The following HIVEP3 variants were observed in gnomAD, a reference collection of about 807,000 sequenced individuals.
HIVEP3 encodes HIVEP zinc finger 3, also known as transcription factor HIVEP3.
Under a neutral mutation model 152.8 loss-of-function variants are expected in HIVEP3, and 49 were observed. That is an observed-to-expected ratio of 0.32 (90% CI 0.26 to 0.41). The LOEUF (loss-of-function observed/expected upper bound fraction) is 0.41, where lower values mean the gene tolerates loss of function less well. Among genes scored for constraint, HIVEP3 ranks in the 10% least tolerant of loss-of-function variants. HIVEP3 has a pLI of 1.00. For synonymous variants in HIVEP3, 1,269 were observed against 1,289.0 expected, an observed-to-expected ratio of 0.98 and a Z score of 0.33; for missense variants, 2,790 against 3,103.3, an observed-to-expected ratio of 0.90 and a Z score of 2.40.
At chr1:41,949,984 G>A (rs1279245349) in intron 1 of HIVEP3, among the ~76,000 whole-genome samples, 2 of 152,158 alleles carry the variant, frequency 1.3e-5, no homozygotes, top group Non-Finnish European at 2.9e-5. Flanking sequence ...TTGAGAGAGG[G>A]TACTGAGAGA....
intron 2 of HIVEP3, among the ~76,000 whole-genome samples, chr1:41,658,162 A>G (rs182618822): frequency 6.6e-6 from 1 of 152,348 alleles, no homozygotes; most frequent in East Asian, 1.9e-4. Flanking sequence ...GAAATCTGTT[A>G]ATTGGTTTAC....
intron 1 of HIVEP3, among the ~76,000 whole-genome samples, chr1:41,777,201 C>CT (rs559942178): frequency 9.1e-4 from 139 of 152,306 alleles, no homozygotes; most frequent in African/African-American, 2.9e-3. Flanking sequence ...CAGGAAGCTC[C>CT]AAATGCTGGG....
intron 1 of HIVEP3, among the ~76,000 whole-genome samples, chr1:42,023,390 T>C (rs1645565227): frequency 1.3e-5 from 2 of 152,204 alleles, no homozygotes; most frequent in Admixed American, 6.5e-5. Context: ...TCTCTTATAT[T>C]ACCATTCAAA....
rs562108171 is a variant in HIVEP3 at position 41,927,875 on chromosome 1, C to T, written n.120-9351G>A. On this transcript the variant is annotated intron_variant and non_coding_transcript_variant, in intron 1 of 3. Transcript: ENST00000489103. ...AGGAGTTCAAGACTAGCCTGGCCAACATGGTGAAACCCCGTCTCTACTAAA... is the reference window on the plus strand; with the variant it reads ...AGGAGTTCAAGACTAGCCTGGCCAATATGGTGAAACCCCGTCTCTACTAAA... Among the ~76,000 whole-genome samples, 39 of 152,196 alleles carry T rather than the reference C, an allele frequency of 2.6e-4. No individual in the cohort carries two copies. In the South Asian group the frequency reaches 7.9e-3, roughly 31 times the overall value.
intron 2 of HIVEP3, among the ~76,000 whole-genome samples, chr1:41,640,319 C>T (rs1196945136): frequency 1.3e-5 from 2 of 152,162 alleles, no homozygotes; most frequent in East Asian, 1.9e-4. Context: ...GCAGTGAGGT[C>T]GCTTCCTGCT....
At chr1:41,790,049 AG>A (rs1351187071) in intron 1 of HIVEP3, among the ~76,000 whole-genome samples, 35 of 152,218 alleles carry the variant, frequency 2.3e-4, no homozygotes, top group Non-Finnish European at 2.9e-5. Flanking sequence ...TTCTGACTCC[AG>A]GGTCAGAGAG....
In HIVEP3 at chr1:41,918,077, T is replaced by A. The variant is rs547062570; in HGVS notation, c.-801+336A>T. On this transcript the variant is annotated intron_variant, in intron 1 of 8. Coordinates refer to ENST00000372583, the MANE Select transcript of HIVEP3 (RefSeq NM_024503.5). The surrounding 1 kb of genome is among the most constrained non-coding windows in gnomAD (Gnocchi z 4.3). ...CAGCAGAGCCTGCTGCAAGCAGCGC[T>A]GGAGCGCACGGCGCGCATAGGGTTA... Among the ~76,000 whole-genome samples the A allele has an allele frequency of 1.2e-4, 18 of 152,296 alleles. No individual in the cohort carries two copies. The highest frequency in any genetic ancestry group is 1.1e-3 in the Admixed American group (17 of 15,298).
In HIVEP3 at chr1:41,579,747, CG is replaced by C; in HGVS notation, c.5050del (p.Arg1684AlafsTer2). 2.5e-6 allele frequency: 4 copies of C among 1,576,764 alleles called. No individual in the cohort carries two copies. Among genetic ancestry groups the C allele is most frequent in the Non-Finnish European group, 3.5e-6 (4 of 1,157,096 alleles). ...RLVPSSSRKP[R>X]MTEVHLPSLV... Reference sequence around the variant, plus strand: ...CAAGGCTGAACTTACCTCTGTCATGCGGGGCTTGCGGGAGCTGGATGGCACA... The same window carrying C: ...CAAGGCTGAACTTACCTCTGTCATGCGGGCTTGCGGGAGCTGGATGGCACA... On this transcript the variant is annotated frameshift_variant, in exon 4 of 9. Transcript: ENST00000372583. LOFTEE classifies it high-confidence loss of function.
intron 1 of HIVEP3, among the ~76,000 whole-genome samples, chr1:41,701,751 T>C (rs1222429639): frequency 6.6e-6 from 1 of 152,264 alleles, no homozygotes; most frequent in African/African-American, 2.4e-5. Flanking sequence ...TGTATTTTAG[T>C]AATTATAGCA....
chr1:41,554,968 GCAGT>G (rs1488760060), intron 5 of HIVEP3, among the ~76,000 whole-genome samples: 3 of 152,204 alleles, frequency 2.0e-5, no homozygotes, highest in African/African-American at 7.2e-5. Context: ...ACTTGAGGAG[GCAGT>G]CTGTCTGTTC....
chr1:41,635,901 A>G (rs1225519932), intron 2 of HIVEP3, among the ~76,000 whole-genome samples: 1 of 152,200 alleles, frequency 6.6e-6, no homozygotes, highest in Non-Finnish European at 1.5e-5. Context: ...GAAGAGGGAG[A>G]AAACCTAGGT....
intron 2 of HIVEP3, among the ~76,000 whole-genome samples, chr1:41,679,790 A>G (rs1045178558): frequency 2.0e-5 from 3 of 152,152 alleles, no homozygotes; most frequent in Admixed American, 2.0e-4. Context: ...GCTAGAATTA[A>G]TTTTCTCACC....
chr1:41,567,927 C>A (rs1017826310), intron 5 of HIVEP3, among the ~76,000 whole-genome samples: 2 of 152,226 alleles, frequency 1.3e-5, no homozygotes, highest in Middle Eastern at 3.2e-3. Flanking sequence ...GTCCTTGATC[C>A]TTCCTGAGAC....
At chr1:41,864,143 A>G (rs1643926327) in intron 1 of HIVEP3, among the ~76,000 whole-genome samples, 1 of 152,120 alleles carries the variant, frequency 6.6e-6, no homozygotes, top group Non-Finnish European at 1.5e-5. Context: ...GAGATTCCCC[A>G]AGGGCTCAGG....
At chr1:41,950,778 C>T (rs1305233564) in intron 1 of HIVEP3, among the ~76,000 whole-genome samples, 1 of 152,126 alleles carries the variant, frequency 6.6e-6, no homozygotes, top group Admixed American at 6.5e-5. Context: ...TTTTGTAAAC[C>T]TCATACTGCC....
At chr1:41,761,338 A>G (rs1647666574) in intron 1 of HIVEP3, among the ~76,000 whole-genome samples, 1 of 151,914 alleles carries the variant, frequency 6.6e-6, no homozygotes, top group East Asian at 1.9e-4. Context: ...GCATGTATGT[A>G]CCTGTGTGAG....
intron 5 of HIVEP3, among the ~76,000 whole-genome samples, chr1:41,526,961 C>A (rs1274816092): frequency 1.2e-5 from 1 of 86,762 alleles, no homozygotes; most frequent in Non-Finnish European, 2.4e-5. Context: ...ACACCCCACT[C>A]ATCCTCACAC....
At chr1:41,574,087 G>A (rs749656390) in intron 5 of HIVEP3, among the ~76,000 whole-genome samples, 3 of 152,050 alleles carry the variant, frequency 2.0e-5, no homozygotes, top group South Asian at 2.1e-4. Context: ...GAACCTCCCC[G>A]GGCACACACA....
intron 1 of HIVEP3, among the ~76,000 whole-genome samples, chr1:41,789,564 A>G (rs1349781404): frequency 6.6e-6 from 1 of 152,268 alleles, no homozygotes; most frequent in Non-Finnish European, 1.5e-5. Context: ...CAAGCTCATA[A>G]TTTGGCAGAC....
Sources: gnomAD v4.1 joint callset for allele counts (sites outside exome capture counted in the v4.1 genomes callset) on GRCh38, gnomAD v4.1.1 for gene constraint, Gnocchi (gnomAD v3.1) non-coding constraint, MANE v1.5 for transcripts, NCBI Gene and HGNC (gene_info 2026-07-23, HGNC 2026-07-21) for gene names.